The following STX8 variants were observed in gnomAD, a reference collection of about 807,000 sequenced individuals.
STX8 encodes syntaxin-8.
A neutral mutation model predicts 37.5 loss-of-function variants in STX8; 23 were observed. The observed-to-expected ratio is 0.61, with a 90% CI of 0.44 to 0.87. The LOEUF (loss-of-function observed/expected upper bound fraction) is 0.87, where lower values mean the gene tolerates loss of function less well. Ranked by LOEUF, STX8 falls within the 40% of genes least tolerant of loss-of-function variation. STX8 has a pLI of 0.00. For synonymous variants in STX8, 115 were observed against 99.1 expected (o/e 1.16, Z -0.95); for missense variants, 313 against 284.7 (o/e 1.10, Z -0.71).
intron 6 of STX8, among the ~76,000 whole-genome samples, chr17:9,434,217 A>T (rs1372417116): frequency 6.6e-6 from 1 of 152,124 alleles, no homozygotes; most frequent in Admixed American, 6.5e-5. Context: ...ATTAGCCAGG[A>T]GGGTCTCGAT....
intron 7 of STX8, among the ~76,000 whole-genome samples, chr17:9,327,258 G>A (rs1182558917): frequency 6.7e-6 from 1 of 148,322 alleles, no homozygotes; most frequent in African/African-American, 2.6e-5. Context: ...GAAGGAGGAA[G>A]GAGGAGGAGG....
chr17:9,504,452 T>G (rs997553551), intron 5 of STX8, among the ~76,000 whole-genome samples: 3 of 151,900 alleles, frequency 2.0e-5, no homozygotes, highest in African/African-American at 7.3e-5. Context: ...TAATTCCCAG[T>G]CGTGAAGCTA....
At chr17:9,453,848 T>C (rs1280348782) in intron 6 of STX8, among the ~76,000 whole-genome samples, 1 of 152,166 alleles carries the variant, frequency 6.6e-6, no homozygotes, top group African/African-American at 2.4e-5. Flanking sequence ...AATAAATAAA[T>C]TGTGCCATGA....
At position 9,505,101 on chromosome 17, in the gene STX8, G is replaced by A. The variant is rs754045692; in HGVS notation, c.385C>T (p.Pro129Ser). 1.2e-6 allele frequency: 2 copies of A among 1,613,834 alleles called. No individual in the cohort carries two copies. Among genetic ancestry groups the A allele is most frequent in the East Asian group, 4.5e-5 (2 of 44,878 alleles). The change falls in exon 5 of 8, where the codon CCA becomes TCA. Residue 129 changes from proline (P) to serine (S), a missense_variant. Physicochemically the swap from Pro to Ser is moderately conservative, Grantham distance 74. Coordinates refer to ENST00000306357, the MANE Select transcript of STX8 (RefSeq NM_004853.3). ...GAPNPWLFEE[P>S]EETRGLGFDE... Reference sequence around the variant, plus strand: ...AAACCCAAGCCTCTGGTCTCCTCTGGCTCCTCAAAGAGCCAAGGGTTGGGT... The same window carrying A: ...AAACCCAAGCCTCTGGTCTCCTCTGACTCCTCAAAGAGCCAAGGGTTGGGT...
At chr17:9,568,309 G>A (rs918767098) in intron 2 of STX8, 62 bp downstream of exon 2, 2 of 1,244,182 alleles carry the variant, frequency 1.6e-6, no homozygotes, top group Non-Finnish European at 1.2e-6. Flanking sequence ...AGAAAGATAG[G>A]AGGGTTTTCA....
intron 7 of STX8, among the ~76,000 whole-genome samples, chr17:9,372,571 G>A (rs1031010760): frequency 1.3e-5 from 2 of 151,674 alleles, no homozygotes; most frequent in Non-Finnish European, 2.9e-5. Context: ...TCTGCCTCCC[G>A]GGTTCAAGCG....
At chr17:9,425,258 G>T (rs9892454) in intron 6 of STX8, among the ~76,000 whole-genome samples, 1 of 151,834 alleles carries the variant, frequency 6.6e-6, no homozygotes, top group Non-Finnish European at 1.5e-5. Context: ...GGTAGTCATC[G>T]TTCAACAAAA....
At chr17:9,370,841 G>A (rs1198752829) in intron 7 of STX8, among the ~76,000 whole-genome samples, 1 of 151,652 alleles carries the variant, frequency 6.6e-6, no homozygotes, top group African/African-American at 2.4e-5. Context: ...TTATGTAAAT[G>A]TCCTTAATGG....
intron 2 of STX8, among the ~76,000 whole-genome samples, chr17:9,564,420 T>C (rs1464798688): frequency 6.6e-6 from 1 of 152,144 alleles, no homozygotes. Context: ...AATCAAACTA[T>C]TCCTGTTTGC....
At chr17:9,282,989 G>C (rs996162789) in intron 7 of STX8, among the ~76,000 whole-genome samples, 2 of 151,494 alleles carry the variant, frequency 1.3e-5, no homozygotes, top group African/African-American at 4.9e-5. Flanking sequence ...CACCAGCATA[G>C]GTTGGGTAGA....
chr17:9,319,051 TC>T (rs1361744122), intron 7 of STX8, among the ~76,000 whole-genome samples: 20 of 152,114 alleles, frequency 1.3e-4, no homozygotes, highest in African/African-American at 4.6e-4. Context: ...ATAAATACAT[TC>T]CCCTAGAGAT....
At chr17:9,338,539 C>T (rs1034438412) in intron 7 of STX8, among the ~76,000 whole-genome samples, 6 of 152,090 alleles carry the variant, frequency 3.9e-5, no homozygotes, top group African/African-American at 1.2e-4. Flanking sequence ...GTTTCTCAAC[C>T]CTCAACTCCT....
At chr17:9,394,284 C>A (rs577773020) in intron 6 of STX8, among the ~76,000 whole-genome samples, 1 of 152,150 alleles carries the variant, frequency 6.6e-6, no homozygotes, top group South Asian at 2.1e-4. Context: ...GTCTGAATTG[C>A]AGGAATGTAT....
intron 6 of STX8, among the ~76,000 whole-genome samples, chr17:9,404,829 TTA>T (rs1206781440): frequency 6.6e-6 from 1 of 152,210 alleles, no homozygotes; most frequent in East Asian, 1.9e-4. Flanking sequence ...ACTGCTGCTT[TTA>T]TGTCTTCTTC....
In STX8 at chr17:9,475,568, C is replaced by A. The variant is rs1047055377; in HGVS notation, c.541+16261G>T. Among the ~76,000 whole-genome samples the A allele has an allele frequency of 2.6e-5, 4 of 152,188 alleles. No individual in the cohort carries two copies. In the South Asian group the frequency reaches 8.3e-4, roughly 31 times the overall value. On this transcript the variant is annotated intron_variant, in intron 6 of 7. Transcript: ENST00000306357. ...CCCCAGCTGGAACCCCCGGAACAGC[C>A]TTCTCTGGAGAGGAAAGTTTGCCTG...
At chr17:9,441,531 T>C (rs1904653294) in intron 6 of STX8, among the ~76,000 whole-genome samples, 1 of 152,022 alleles carries the variant, frequency 6.6e-6, no homozygotes, top group Non-Finnish European at 1.5e-5. Flanking sequence ...CTTATATCCT[T>C]TGACCTTGTT....
chr17:9,435,140 G>T (rs552580335), intron 6 of STX8, among the ~76,000 whole-genome samples: 2 of 152,292 alleles, frequency 1.3e-5, no homozygotes, highest in South Asian at 4.1e-4. Flanking sequence ...GTTGGAGGGT[G>T]ACACTAATAA....
intron 3 of STX8, among the ~76,000 whole-genome samples, chr17:9,546,840 G>A (rs1906547891): frequency 6.6e-6 from 1 of 150,680 alleles, no homozygotes; most frequent in African/African-American, 2.4e-5. Flanking sequence ...CTCATGATCC[G>A]TTCACCTCAG....
rs1368262520 is a variant in STX8 at position 9,378,971 on chromosome 17, A to T, written c.542-318T>A. The stretch of plus-strand genomic sequence containing the variant: ...GTATAAAGGAACAGACAGGCCAGGC[A>T]CGGTGGCTCACGCCTATAATCCCAG... On this transcript the variant is annotated intron_variant, in intron 6 of 7. Coordinates refer to ENST00000306357, the MANE Select transcript of STX8 (RefSeq NM_004853.3). 2.6e-5 allele frequency among the ~76,000 whole-genome samples: 4 copies of T among 152,178 alleles called. No individual in the cohort carries two copies. The East Asian group carries it at 7.7e-4, about 29-fold the overall frequency.
Sources: allele counts gnomAD v4.1 joint callset (sites outside exome capture counted in the v4.1 genomes callset), GRCh38; gene constraint gnomAD v4.1.1; transcripts MANE v1.5; gene names NCBI Gene and HGNC (gene_info 2026-07-23, HGNC 2026-07-21).